DNALI1: variants seen among roughly 807,000 people sequenced by gnomAD.
DNALI1 encodes the protein dynein axonemal light intermediate chain 1.
In DNALI1, 31 loss-of-function variants were observed where a neutral mutation model predicts 33.9. The observed-to-expected ratio is 0.91, with a 90% CI of 0.69 to 1.23. The LOEUF (loss-of-function observed/expected upper bound fraction) is 1.23. Ranked by LOEUF, DNALI1 falls within the 50% of genes most tolerant of loss-of-function variation. The probability of loss-of-function intolerance (pLI) is 0.00; values close to 1 mark genes in which losing one functional copy is unlikely to be tolerated. For synonymous variants in DNALI1, 117 were observed against 129.2 expected (o/e 0.91, Z 0.64); for missense variants, 305 against 323.8 (o/e 0.94, Z 0.44).
chr1:37,565,111 G>A lies in DNALI1; in HGVS notation c.*50G>A, dbSNP rs1028033713. The A allele has an allele frequency of 6.3e-7, 1 of 1,598,830 alleles. No individual in the cohort carries two copies. The highest frequency in any genetic ancestry group is 1.1e-5 in the South Asian group (1 of 90,740). On this transcript the variant is annotated 3_prime_UTR_variant, in exon 6 of 6. Coordinates refer to ENST00000652629, the MANE Select transcript of DNALI1 (RefSeq NM_003462.5). Reference sequence around the variant, plus strand: ...ACAAGACACTTGGGAGTTATTTACTGTGTTCCTCTGGCAGCCAATAAAATC... The same window carrying A: ...ACAAGACACTTGGGAGTTATTTACTATGTTCCTCTGGCAGCCAATAAAATC...
Position 37,562,084 on chromosome 1 carries a change from G to A in DNALI1, c.580G>A (p.Ala194Thr), listed in dbSNP as rs372067106. ...TGACTGGGCATTCTCTCCTCAGATC[G>A]CAGAATTGGAGACGGAAAAGAGAGA... The part of the protein sequence containing the change: ...QGKSDMERKI[A>T]ELETEKRDLE... Residue 194 changes from alanine (A) to threonine (T), a missense_variant, in exon 5 of 6, where the codon GCA (alanine) becomes ACA (threonine). Coordinates refer to ENST00000652629, the MANE Select transcript of DNALI1 (RefSeq NM_003462.5). This position sits in a 1 kb window ranked among gnomAD's most constrained non-coding sequence, Gnocchi z 5.8. 9 of 1,613,756 alleles carry A rather than the reference G, an allele frequency of 5.6e-6. No homozygotes were observed. The highest frequency in any genetic ancestry group is 4.0e-5 in the African/African-American group (3 of 74,888).
Position 37,564,622 on chromosome 1 carries a change from C to T in DNALI1, c.742-404C>T, listed in dbSNP as rs1643478623. Among the ~76,000 whole-genome samples, 3 of 152,156 alleles carry T rather than the reference C, an allele frequency of 2.0e-5. No individual in the cohort carries two copies. In the South Asian group the frequency reaches 6.2e-4, roughly 31 times the overall value. On this transcript the variant is annotated intron_variant, in intron 5 of 5. Coordinates refer to ENST00000652629, the MANE Select transcript of DNALI1 (RefSeq NM_003462.5). ...GGTCTGGATCTCCTGACCTCACGAT[C>T]CGCCCGCCTCAGCCTCCCAAAGTGC...
rs752417147 is a variant in DNALI1, at chr1:37,561,653, A to C, written c.494A>C (p.Gln165Pro). The C allele has an allele frequency of 1.9e-6, 3 of 1,613,984 alleles. No homozygotes were observed. The African/African-American group carries it at 4.0e-5, about 22-fold the overall frequency. The stretch of plus-strand genomic sequence containing the variant: ...ATCCGCATGACCATCGCTGCCTACC[A>C]GACCCTGTACGAGAGCAGCGTGGCG... ...DEIRMTIAAY[Q>P]TLYESSVAFG... The change falls in exon 4 of 6, where the codon CAG (glutamine) becomes CCG (proline). Residue 165 changes from glutamine (Q) to proline (P), a missense_variant. By Grantham distance (76) the Gln-to-Pro change is moderately conservative. Transcript: ENST00000652629. This position sits in a 1 kb window ranked among gnomAD's most constrained non-coding sequence, Gnocchi z 4.6.
At chr1:37,560,361 T>C (rs1170224935) in intron 3 of DNALI1, among the ~76,000 whole-genome samples, 1 of 152,212 alleles carries the variant, frequency 6.6e-6, no homozygotes, top group Non-Finnish European at 1.5e-5. Flanking sequence ...CAGAGATCCC[T>C]GCGGCTTTCT....
chr1:37,557,630 C>T lies in DNALI1; in HGVS notation c.109C>T (p.Gln37Ter). 1 of 1,613,672 alleles carries T rather than the reference C, an allele frequency of 6.2e-7. No individual in the cohort carries two copies. The highest frequency in any genetic ancestry group is 2.2e-5 in the East Asian group (1 of 44,848). The change falls in exon 2 of 6, where the codon CAG becomes TAG. Residue 37 changes from glutamine to a stop codon, truncating the protein, a stop_gained. Transcript: ENST00000652629. LOFTEE classifies it high-confidence loss of function. ...KARLLKVSPQ[Q>*]PGPSGSAPQP... ...TCGGCTACTGAAAGTCAGCCCCCAGCAGCCTGGACCTTCAGGTTCAGCCCC... is the reference window on the plus strand; with the variant it reads ...TCGGCTACTGAAAGTCAGCCCCCAGTAGCCTGGACCTTCAGGTTCAGCCCC...
chr1:37,556,972 G>A lies in DNALI1; in HGVS notation c.-23G>A, dbSNP rs1223864791. On this transcript the variant is annotated 5_prime_UTR_variant, in exon 1 of 6. Coordinates refer to ENST00000652629, the MANE Select transcript of DNALI1 (RefSeq NM_003462.5). Reference sequence around the variant, plus strand: ...GCCCACACTGGACAGGGCAGCTGCTGGGTTGCTACTCTCGCCTCCGCCATG... The same window carrying A: ...GCCCACACTGGACAGGGCAGCTGCTAGGTTGCTACTCTCGCCTCCGCCATG... The A allele has an allele frequency of 2.5e-6, 4 of 1,614,116 alleles. No individual in the cohort carries two copies. Among genetic ancestry groups the A allele is most frequent in the Admixed American group, 1.7e-5 (1 of 60,012 alleles).
At position 37,556,979 on chromosome 1, in the gene DNALI1, T is replaced by C. The variant is rs201128418; in HGVS notation, c.-16T>C. ...CTGGACAGGGCAGCTGCTGGGTTGC[T>C]ACTCTCGCCTCCGCCATGATTCCGC... On this transcript the variant is annotated 5_prime_UTR_variant, in exon 1 of 6. Transcript: ENST00000652629. 3.9e-4 allele frequency: 633 copies of C among 1,614,110 alleles called. No individual in the cohort carries two copies. The highest frequency in any genetic ancestry group is 7.7e-4 in the Admixed American group (46 of 60,014).
rs746045459 is a variant in DNALI1 at position 37,557,028 on chromosome 1, G to C, written c.34G>C (p.Asp12His). The C allele has an allele frequency of 1.1e-5, 17 of 1,614,090 alleles. 1 individual carries two copies. The South Asian group carries it at 1.3e-4, about 13-fold the overall frequency. Reference sequence around the variant, plus strand: ...GCCCGCAGACTCTTTGCTCAAGTACGACACCCCAGTGCTGGTGAGCCGGAA... The same window carrying C: ...GCCCGCAGACTCTTTGCTCAAGTACCACACCCCAGTGCTGGTGAGCCGGAA... ...IPPADSLLKY[D>H]TPVLVSRNTE... The change falls in exon 1 of 6, where the codon GAC becomes CAC. Residue 12 changes from aspartate to histidine, a missense_variant. By Grantham distance (81) the Asp-to-His change is moderately conservative (BLOSUM62 -1). Transcript: ENST00000652629.
At position 37,565,394 on chromosome 1, in the gene DNALI1, A is replaced by C; in HGVS notation, c.*333A>C. 1 of 262,536 alleles carries C rather than the reference A, an allele frequency of 3.8e-6. No individual in the cohort carries two copies. The highest frequency in any genetic ancestry group is 7.2e-6 in the Non-Finnish European group (1 of 138,998). 16.3% of individuals were successfully genotyped at this position (262,536 alleles called of 1,614,324 possible). A position where few individuals can be genotyped will look rare whatever the true frequency, so the allele number is the denominator to read the frequency against. ...GCCACTGCTTTCTCATCATCACTCT[A>C]TACCAATACTTATTTCTGGCCAAAT... On this transcript the variant is annotated 3_prime_UTR_variant, in exon 6 of 6. Transcript: ENST00000652629.
chr1:37,566,833 T>C lies in DNALI1; in HGVS notation c.*1772T>C. The C allele has an allele frequency of 6.2e-7, 1 of 1,607,826 alleles. No individual in the cohort carries two copies. Among genetic ancestry groups the C allele is most frequent in the African/African-American group, 1.3e-5 (1 of 74,710 alleles). On this transcript the variant is annotated 3_prime_UTR_variant, in exon 6 of 6. Transcript: ENST00000652629. ...TTTCTAACTGCCTGTTTTTGTATAA[T>C]TTAATAAAAACCTTTTAAACATTAC... is the stretch of plus-strand genomic sequence containing the variant.
rs1347241536 is a variant in DNALI1 at position 37,556,969 on chromosome 1, G to C, written c.-26G>C. The C allele has an allele frequency of 1.9e-6, 3 of 1,614,260 alleles. No individual in the cohort carries two copies. The highest frequency in any genetic ancestry group is 2.5e-6 in the Non-Finnish European group (3 of 1,180,052). On this transcript the variant is annotated 5_prime_UTR_variant, in exon 1 of 6. Coordinates refer to ENST00000652629, the MANE Select transcript of DNALI1 (RefSeq NM_003462.5). ...AAGGCCCACACTGGACAGGGCAGCT[G>C]CTGGGTTGCTACTCTCGCCTCCGCC...
intron 5 of DNALI1, among the ~76,000 whole-genome samples, chr1:37,563,947 C>G (rs1643469204): frequency 6.6e-6 from 1 of 152,000 alleles, no homozygotes; most frequent in African/African-American, 2.4e-5. Context: ...AGAGGGACAG[C>G]TCTCGGCTGG....
chr1:37,562,672 G>T lies in DNALI1; in HGVS notation c.741+427G>T, dbSNP rs1157631706. Among the ~76,000 whole-genome samples, 2 of 152,138 alleles carry T rather than the reference G, an allele frequency of 1.3e-5. No individual in the cohort carries two copies. The highest frequency in any genetic ancestry group is 2.9e-5 in the Non-Finnish European group (2 of 68,016). Reference sequence around the variant, plus strand: ...GGGCATAACCAGGGAAGAAGTCAAAGGGCAGCAGGGCCCTTTGAGAGGAAG... The same window carrying T: ...GGGCATAACCAGGGAAGAAGTCAAATGGCAGCAGGGCCCTTTGAGAGGAAG... On this transcript the variant is annotated intron_variant, in intron 5 of 5. Transcript: ENST00000652629. This position sits in a 1 kb window ranked among gnomAD's most constrained non-coding sequence, Gnocchi z 5.8.
rs897054516 is a variant in DNALI1 at position 37,559,324 on chromosome 1, C to T, written c.228-3C>T. 2 of 1,595,992 alleles carry T rather than the reference C, an allele frequency of 1.3e-6. No individual in the cohort carries two copies. Among genetic ancestry groups the T allele is most frequent in the Admixed American group, 1.7e-5 (1 of 58,552 alleles). On this transcript the variant is annotated splice_polypyrimidine_tract_variant and splice_region_variant and intron_variant, in intron 2 of 5. Coordinates refer to ENST00000652629, the MANE Select transcript of DNALI1 (RefSeq NM_003462.5). The surrounding 1 kb of genome is among the most constrained non-coding windows in gnomAD (Gnocchi z 5.3). ...TTGCTCAGCCTCGCTGTGTCTGCCA[C>T]AGGGAGTGGGTGGAAGACACGCAGC... is the stretch of plus-strand genomic sequence containing the variant.
chr1:37,561,752 G>C lies in DNALI1; in HGVS notation c.576+17G>C. On this transcript the variant is annotated intron_variant, in intron 4 of 5. Transcript: ENST00000652629. This position sits in a 1 kb window ranked among gnomAD's most constrained non-coding sequence, Gnocchi z 4.6. ...GAGAGGAAAGTGAGTGGGGTTTACC[G>C]TGACCCTTGGTCCCATCTCTTCTGT... 1.2e-6 allele frequency: 2 copies of C among 1,609,854 alleles called. No homozygotes were observed. Among genetic ancestry groups the C allele is most frequent in the Non-Finnish European group, 1.7e-6 (2 of 1,177,312 alleles).
At chr1:37,557,130 C>A in intron 1 of DNALI1, 55 bp downstream of exon 1, 1 of 1,610,780 alleles carries the variant, frequency 6.2e-7, no homozygotes, top group Non-Finnish European at 8.5e-7. Context: ...TAGGGAAAGA[C>A]ACATTCCCGC....
In DNALI1 at chr1:37,561,343, C is replaced by T. The variant is rs957264223; in HGVS notation, c.398-214C>T. 1.4e-5 allele frequency: 8 copies of T among 571,712 alleles called. No individual in the cohort carries two copies. The highest frequency in any genetic ancestry group is 6.0e-5 in the Admixed American group (2 of 33,274). The allele number at this position is 571,712 out of a possible 1,614,324, so 35.4% of individuals were successfully genotyped here. On this transcript the variant is annotated intron_variant, in intron 3 of 5. Transcript: ENST00000652629. The surrounding 1 kb of genome is among the most constrained non-coding windows in gnomAD (Gnocchi z 4.6). Reference sequence around the variant, plus strand: ...CAACCCAGTCTTGCTGACTGTGCTACTCACAAGTGCCAAGTTCAGAGGAGT... The same window carrying T: ...CAACCCAGTCTTGCTGACTGTGCTATTCACAAGTGCCAAGTTCAGAGGAGT...
At chr1:37,563,448 T>C (rs564489905) in intron 5 of DNALI1, among the ~76,000 whole-genome samples, 142 of 152,356 alleles carry the variant, frequency 9.3e-4, no homozygotes, top group Non-Finnish European at 1.6e-3. Flanking sequence ...AAAAGCAATC[T>C]TGTAATCTCC....
At chr1:37,558,876 T>C (rs1643402940) in intron 2 of DNALI1, among the ~76,000 whole-genome samples, 1 of 152,162 alleles carries the variant, frequency 6.6e-6, no homozygotes, top group Non-Finnish European at 1.5e-5. Flanking sequence ...AAAAGGGAAA[T>C]GGGGGCCTAC....
Sources: gnomAD v4.1 joint callset for allele counts (sites outside exome capture counted in the v4.1 genomes callset) on GRCh38, gnomAD v4.1.1 for gene constraint, Gnocchi (gnomAD v3.1) non-coding constraint, MANE v1.5 for transcripts, NCBI Gene and HGNC (gene_info 2026-07-23, HGNC 2026-07-21) for gene names.